Variants in KAZN observed in about 807,000 individuals in gnomAD.
KAZN encodes the protein kazrin, periplakin interacting protein.
In KAZN, 40 loss-of-function variants were observed where a neutral mutation model predicts 87.4. The observed-to-expected ratio is 0.46, with a 90% CI of 0.36 to 0.60. KAZN has a LOEUF of 0.60. KAZN is among the 20% of genes least tolerant of loss of function. KAZN has a pLI of 0.00. For missense variants in KAZN, 898 were observed against 1,073.9 expected (o/e 0.84, Z 2.29); for synonymous variants, 466 against 458.3 (o/e 1.02, Z -0.22).
intron 1 of KAZN, chr1:14,945,796 G>A (rs1661699257): frequency 3.6e-6 from 3 of 825,216 alleles, no homozygotes; most frequent in Non-Finnish European, 4.4e-6. Context: ...CAAGCTCCAC[G>A]GCCTCGAGAG....
At chr1:14,195,913 G>A (rs1292463603) in intron 2 of KAZN, among the ~76,000 whole-genome samples, 1 of 152,140 alleles carries the variant, frequency 6.6e-6, no homozygotes, top group East Asian at 1.9e-4. Flanking sequence ...TATGTGTCAG[G>A]CGATGTATTG....
intron 2 of KAZN, among the ~76,000 whole-genome samples, chr1:14,259,745 C>A (rs918436097): frequency 6.6e-6 from 1 of 152,200 alleles, no homozygotes. Flanking sequence ...GGGCTAGACA[C>A]ACAGCAGCTG....
At chr1:14,114,865 T>G (rs1644579758) in intron 1 of KAZN, among the ~76,000 whole-genome samples, 1 of 152,218 alleles carries the variant, frequency 6.6e-6, no homozygotes, top group Admixed American at 6.5e-5. Flanking sequence ...CGTTCCCATT[T>G]ATAAATGACA....
At chr1:14,524,868 A>G (rs1357363390) in intron 2 of KAZN, among the ~76,000 whole-genome samples, 1 of 152,256 alleles carries the variant, frequency 6.6e-6, no homozygotes, top group Admixed American at 6.5e-5. Context: ...GAAGCCCATA[A>G]GGAAAACAGA....
chr1:14,499,161 T>A (rs1268360900), intron 2 of KAZN, among the ~76,000 whole-genome samples: 3 of 152,038 alleles, frequency 2.0e-5, no homozygotes, highest in Non-Finnish European at 4.4e-5. Flanking sequence ...AAAGTGGACA[T>A]CGGGTGACTG....
At chr1:14,151,982 A>G (rs1645484584) in intron 1 of KAZN, among the ~76,000 whole-genome samples, 1 of 152,186 alleles carries the variant, frequency 6.6e-6, no homozygotes, top group Admixed American at 6.5e-5. Flanking sequence ...TTTTTTGTTT[A>G]AGTTCTCTAA....
chr1:14,693,767 GT>G (rs959219643), intron 1 of KAZN, among the ~76,000 whole-genome samples: 1 of 152,194 alleles, frequency 6.6e-6, no homozygotes, highest in Admixed American at 6.5e-5. Flanking sequence ...CTGGAAGTAT[GT>G]TTCAGGGAAG....
intron 1 of KAZN, among the ~76,000 whole-genome samples, chr1:14,713,775 CAAA>C (rs58947119): frequency 1.1e-5 from 1 of 94,606 alleles, no homozygotes; most frequent in South Asian, 3.2e-4. Context: ...CTCATCTCTA[CAAA>C]AAAAAAAAAA....
chr1:14,982,338 TTGGGCATGGGACAGGGCATGGGACAG>T (rs1441097003), intron 2 of KAZN, among the ~76,000 whole-genome samples: 1 of 152,016 alleles, frequency 6.6e-6, no homozygotes, highest in African/African-American at 2.4e-5. Flanking sequence ...GTGGGCGGGC[TTGGGCATGGGACAGGGCATGGGACAG>T]TGGTTCCCCA....
chr1:14,878,672 C>G (rs1223593197), intron 1 of KAZN, among the ~76,000 whole-genome samples: 2 of 152,186 alleles, frequency 1.3e-5, no homozygotes, highest in South Asian at 2.1e-4. Context: ...GGACATTCGG[C>G]CCTCAGCTGG....
chr1:14,600,649 C>G (rs72863652), intron 1 of KAZN, among the ~76,000 whole-genome samples: 1 of 131,410 alleles, frequency 7.6e-6, no homozygotes, highest in African/African-American at 2.9e-5. Context: ...AAAGAACATT[C>G]TCCACTGGAA....
chr1:15,010,398 T>A (rs2102074914), intron 2 of KAZN, among the ~76,000 whole-genome samples: 1 of 147,612 alleles, frequency 6.8e-6, no homozygotes, highest in East Asian at 2.0e-4. Context: ...TTTTTTTTTT[T>A]TTTTTTTTTT....
In KAZN at chr1:14,382,050, C is replaced by T. The variant is rs72645906; in HGVS notation, c.249+201458C>T. On this transcript the variant is annotated intron_variant, in intron 2 of 16. Coordinates refer to the KAZN transcript ENST00000636203. Reference sequence around the variant, plus strand: ...ATCCCAACTGTGAACAATCTGAAAACGAAATCAAGAAAGTAATCCCACTGA... The same window carrying T: ...ATCCCAACTGTGAACAATCTGAAAATGAAATCAAGAAAGTAATCCCACTGA... 5.0e-3 allele frequency among the ~76,000 whole-genome samples: 765 copies of T among 151,974 alleles called. 7 individuals carry two copies. Among genetic ancestry groups the T allele is most frequent in the African/African-American group, 0.015 (625 of 41,482 alleles).
intron 1 of KAZN, among the ~76,000 whole-genome samples, chr1:13,923,861 A>G (rs976252592): frequency 6.6e-6 from 1 of 152,146 alleles, no homozygotes; most frequent in African/African-American, 2.4e-5. Context: ...AAATCCTAGG[A>G]AATGTCCAGT....
chr1:14,125,491 G>C (rs1570798737), intron 1 of KAZN, among the ~76,000 whole-genome samples: 1 of 152,278 alleles, frequency 6.6e-6, no homozygotes, highest in South Asian at 2.1e-4. Context: ...TGGAGACAGA[G>C]AGGGGAAGAC....
At chr1:15,082,197 G>T (rs1640036861) in intron 8 of KAZN, among the ~76,000 whole-genome samples, 1 of 152,120 alleles carries the variant, frequency 6.6e-6, no homozygotes, top group South Asian at 2.1e-4. Context: ...ACCCTATGGG[G>T]CAGCAACAGG....
chr1:14,653,201 T>G (rs764446489), intron 1 of KAZN, among the ~76,000 whole-genome samples: 5 of 152,010 alleles, frequency 3.3e-5, no homozygotes, highest in Non-Finnish European at 7.4e-5. Flanking sequence ...TCTGGAGAGG[T>G]CCAGTAGGAA....
intron 1 of KAZN, among the ~76,000 whole-genome samples, chr1:14,898,868 C>T (rs1655550031): frequency 6.6e-6 from 1 of 152,178 alleles, no homozygotes; most frequent in Non-Finnish European, 1.5e-5. Flanking sequence ...TCCCTATAAA[C>T]CATCAAAATG....
chr1:14,505,652 T>C (rs924737544), intron 2 of KAZN, among the ~76,000 whole-genome samples: 6 of 152,226 alleles, frequency 3.9e-5, no homozygotes, highest in African/African-American at 1.4e-4. Flanking sequence ...ACTGATTGTT[T>C]CATGCACAAG....
Sources: allele counts gnomAD v4.1 joint callset (sites outside exome capture counted in the v4.1 genomes callset), GRCh38; gene constraint gnomAD v4.1.1; transcripts MANE v1.5; gene names NCBI Gene and HGNC (gene_info 2026-07-23, HGNC 2026-07-21).